Variants in OTOGL observed in about 807,000 individuals in gnomAD.
OTOGL encodes otogelin like.
In OTOGL, 285 loss-of-function variants were observed where a neutral mutation model predicts 318.5. The observed-to-expected ratio is 0.89, with a 90% CI of 0.81 to 0.99. OTOGL has a LOEUF of 0.99. Among genes scored for constraint, OTOGL ranks in the 50% least tolerant of loss-of-function variants. The probability of loss-of-function intolerance (pLI) is 0.00; values close to 1 mark genes in which losing one functional copy is unlikely to be tolerated. For missense variants in OTOGL, 2,899 were observed against 2,845.6 expected (o/e 1.02, Z -0.43); for synonymous variants, 987 against 936.5 (o/e 1.05, Z -0.99).
intron 22 of OTOGL, among the ~76,000 whole-genome samples, chr12:80,268,815 T>C (rs1323217977): frequency 6.6e-6 from 1 of 152,046 alleles, no homozygotes; most frequent in African/African-American, 2.4e-5. Flanking sequence ...CTCTCTGGTG[T>C]TCTTGCCTCT....
chr12:80,257,723 T>C (rs1882182855), intron 17 of OTOGL, 102 bp from the exon 18 acceptor site: 1 of 1,154,946 alleles, frequency 8.7e-7, no homozygotes, highest in African/African-American at 1.6e-5. Context: ...CCTCTCCTCC[T>C]TCCCTGGTAT....
chr12:80,161,356 A>G (rs1404209452), intron 1 of OTOGL, among the ~76,000 whole-genome samples: 1 of 152,166 alleles, frequency 6.6e-6, no homozygotes, highest in East Asian at 1.9e-4. Flanking sequence ...ATAAATTATA[A>G]AAAATTACCT....
At chr12:80,351,292 T>G (rs1319081243) in intron 44 of OTOGL, among the ~76,000 whole-genome samples, 9 of 132,578 alleles carry the variant, frequency 6.8e-5, no homozygotes, top group Non-Finnish European at 1.2e-4. Flanking sequence ...GCCATTGTGT[T>G]TTTTTTTTTT....
At chr12:80,355,987 A>G in intron 47 of OTOGL, 39 bp downstream of exon 47, 5 of 1,575,516 alleles carry the variant, frequency 3.2e-6, no homozygotes, top group Non-Finnish European at 4.4e-6. Context: ...TGATTCCACA[A>G]AATATGTTGA....
chr12:80,196,872 G>A (rs1876108127), intron 1 of OTOGL, among the ~76,000 whole-genome samples: 1 of 152,224 alleles, frequency 6.6e-6, no homozygotes, highest in South Asian at 2.1e-4. Context: ...CCTGAGACTG[G>A]TTAAGGCCAT....
At chr12:80,363,534 G>A (rs1566016589) in intron 52 of OTOGL, among the ~76,000 whole-genome samples, 2 of 78,212 alleles carry the variant, frequency 2.6e-5, no homozygotes, top group Non-Finnish European at 5.0e-5. Flanking sequence ...TGGGGGTTGG[G>A]GAGTGGGAAG....
chr12:80,116,816 T>C (rs1870193922), intron 1 of OTOGL, among the ~76,000 whole-genome samples: 1 of 152,228 alleles, frequency 6.6e-6, no homozygotes, highest in Non-Finnish European at 1.5e-5. Flanking sequence ...CATATTAAAC[T>C]ACCACATCTC....
chr12:80,122,989 G>T (rs966925968), intron 1 of OTOGL, among the ~76,000 whole-genome samples: 4 of 150,936 alleles, frequency 2.7e-5, no homozygotes, highest in African/African-American at 7.3e-5. Context: ...CAGAGTGAAT[G>T]CCTTTTGTTT....
chr12:80,169,447 G>T (rs902586515), intron 1 of OTOGL, among the ~76,000 whole-genome samples: 1 of 152,102 alleles, frequency 6.6e-6, no homozygotes, highest in Non-Finnish European at 1.5e-5. Context: ...CTCACTGTTT[G>T]CTCCTTCTCG....
chr12:80,267,210 GA>G lies in OTOGL; in HGVS notation c.2391-36del, dbSNP rs764091928. The G allele has an allele frequency of 1.9e-5, 25 of 1,343,974 alleles. No individual in the cohort carries two copies. In the Admixed American group the frequency reaches 2.0e-4, roughly 11 times the overall value. The allele number at this position is 1,343,974 out of a possible 1,614,324, so 83.3% of individuals were successfully genotyped here. A position where few individuals can be genotyped will look rare whatever the true frequency, so the allele number is the denominator to read the frequency against. ...GTCAGCTTGAATTTTAGTGGTTTTT[GA>G]AAAAAATTGTATCCTATTTACTTTA... On this transcript the variant is annotated intron_variant, in intron 21 of 58. Transcript: ENST00000547103.
chr12:80,262,155 T>C, intron 19 of OTOGL, 62 bp downstream of exon 19: 1 of 1,403,372 alleles, frequency 7.1e-7, no homozygotes, highest in East Asian at 2.4e-5. Flanking sequence ...TATGTATTAC[T>C]ATAATTTTAT....
chr12:80,355,735 G>T lies in OTOGL; in HGVS notation c.5594-1G>T, dbSNP rs1183980408. 4 of 1,610,654 alleles carry T rather than the reference G, an allele frequency of 2.5e-6. No homozygotes were observed. In the South Asian group the frequency reaches 4.4e-5, roughly 18 times the overall value. Reference sequence around the variant, plus strand: ...GTTATAATACTGTTGATCTTTTTAAGCATGCACTGATAGTGAAGACCAACC... The same window carrying T: ...GTTATAATACTGTTGATCTTTTTAATCATGCACTGATAGTGAAGACCAACC... On this transcript the variant is annotated splice_acceptor_variant, in intron 46 of 58. Transcript: ENST00000547103. LOFTEE classifies it high-confidence loss of function.
intron 29 of OTOGL, among the ~76,000 whole-genome samples, chr12:80,307,713 C>T (rs1395054383): frequency 2.8e-5 from 4 of 141,518 alleles, no homozygotes; most frequent in East Asian, 2.2e-4. Context: ...CCTCACTTCC[C>T]GGACGGGGCG....
intron 28 of OTOGL, among the ~76,000 whole-genome samples, chr12:80,303,624 G>T (rs1311268510): frequency 6.6e-6 from 1 of 152,168 alleles, no homozygotes; most frequent in Non-Finnish European, 1.5e-5. Flanking sequence ...GCATGCCTGG[G>T]AAGGCCTCAG....
intron 1 of OTOGL, among the ~76,000 whole-genome samples, chr12:80,131,362 C>T (rs1024988039): frequency 5.3e-5 from 8 of 152,172 alleles, no homozygotes; most frequent in Non-Finnish European, 8.8e-5. Context: ...TGGAGGCTTT[C>T]CCAAAAGGGA....
chr12:80,343,486 C>CTTGGTTTTTTTTT (rs1565999648), intron 44 of OTOGL: 1 of 71,354 alleles, frequency 1.4e-5, no homozygotes, highest in Non-Finnish European at 3.3e-5. Flanking sequence ...TTATTTTTTA[C>CTTGGTTTTTTTTT]ATTTTTATTA....
chr12:80,343,458 T>C (rs1269549112), intron 44 of OTOGL: 1 of 150,688 alleles, frequency 6.6e-6, no homozygotes, highest in Non-Finnish European at 1.5e-5. Flanking sequence ...TTACACTGTA[T>C]TATTTTTTAC....
chr12:80,363,191 C>T (rs1472605277), intron 52 of OTOGL, among the ~76,000 whole-genome samples: 4 of 152,106 alleles, frequency 2.6e-5, no homozygotes, highest in Admixed American at 2.6e-4. Context: ...ATTTCTTCAA[C>T]CAACATTTGT....
At position 80,343,966 on chromosome 12, in the gene OTOGL, G is replaced by C. The variant is rs1043548946; in HGVS notation, c.5265+1804G>C. On this transcript the variant is annotated intron_variant, in intron 44 of 58. Coordinates refer to ENST00000547103, the MANE Select transcript of OTOGL (RefSeq NM_001378609.3). Reference sequence around the variant, plus strand: ...TCTATGAAGGGAAGAGTCAGGGAAGGAAAGCAAGGGAATTGTCAAGTCAGG... The same window carrying C: ...TCTATGAAGGGAAGAGTCAGGGAAGCAAAGCAAGGGAATTGTCAAGTCAGG... Among the ~76,000 whole-genome samples, 8 of 152,138 alleles carry C rather than the reference G, an allele frequency of 5.3e-5. No homozygotes were observed. The East Asian group carries it at 9.6e-4, about 18-fold the overall frequency.
Sources: allele counts gnomAD v4.1 joint callset (sites outside exome capture counted in the v4.1 genomes callset), GRCh38; gene constraint gnomAD v4.1.1; transcripts MANE v1.5; gene names NCBI Gene and HGNC (gene_info 2026-07-23, HGNC 2026-07-21).